The following CNOT3 variants were observed in gnomAD, a reference collection of about 807,000 sequenced individuals.
CNOT3 encodes the protein CCR4-associated factor 3.
In CNOT3, 2 loss-of-function variants were observed where a neutral mutation model predicts 89.4. The observed-to-expected ratio is 0.02, with a 90% confidence interval of 0.01 to 0.07. The LOEUF is 0.07. Ranked by LOEUF, CNOT3 falls within the 10% of genes least tolerant of loss-of-function variation. The pLI, the probability that CNOT3 is intolerant of heterozygous loss-of-function variation, is 1.00. For synonymous variants in CNOT3, 486 were observed against 402.0 expected, an observed-to-expected ratio of 1.21 and a Z score of -2.50; for missense variants, 664 against 1,010.2, an observed-to-expected ratio of 0.66 and a Z score of 4.65.
chr19:54,138,647 G>C (rs2074321738), intron 1 of CNOT3, among the ~76,000 whole-genome samples: 1 of 152,224 alleles, frequency 6.6e-6, no homozygotes, highest in Admixed American at 6.5e-5. Flanking sequence ...CTGCCCGTCT[G>C]TATCGGATGG....
intron 13 of CNOT3, 100 bp from the exon 14 acceptor site, chr19:54,152,126 G>GC: frequency 7.7e-7 from 1 of 1,290,340 alleles, no homozygotes; most frequent in East Asian, 2.4e-5. Flanking sequence ...GCCCTCCACG[G>GC]CCCCCAAACA....
chr19:54,150,062 G>A (rs1390025672), intron 13 of CNOT3, among the ~76,000 whole-genome samples: 2 of 151,770 alleles, frequency 1.3e-5, no homozygotes, highest in Non-Finnish European at 1.5e-5. Context: ...CATCCCCCCC[G>A]CAGGCCCTCA....
At chr19:54,153,128 C>T in intron 16 of CNOT3, 129 bp downstream of exon 16, 2 of 787,712 alleles carry the variant, frequency 2.5e-6, no homozygotes, top group Non-Finnish European at 2.3e-6. Flanking sequence ...CCTCCCTATT[C>T]CCACTCCTGG....
chr19:54,142,758 G>A, intron 1 of CNOT3, 171 bp from the exon 2 acceptor site: 1 of 617,678 alleles, frequency 1.6e-6, no homozygotes, highest in Non-Finnish European at 2.9e-6. Flanking sequence ...CAGACACTAT[G>A]CTGGGCAGTC....
Position 54,149,622 on chromosome 19 carries a change from A to G in CNOT3, c.1469A>G (p.Asn490Ser). Reference protein sequence around the residue: ...AGGVAPGSGNNSGGPSLLVPL... With the variant: ...AGGVAPGSGNSSGGPSLLVPL... ...GGCGTGGCCCCAGGCTCAGGGAACA[A>G]CTCAGGGGGACCCAGCCTCCTGGTG... is the stretch of plus-strand genomic sequence containing the variant. The change falls in exon 13 of 18, where the codon AAC becomes AGC. Residue 490 changes from asparagine to serine, a missense_variant. By Grantham distance (46) the Asn-to-Ser change is conservative. Coordinates refer to ENST00000221232, the MANE Select transcript of CNOT3 (RefSeq NM_014516.4). The G allele has an allele frequency of 6.2e-7, 1 of 1,613,486 alleles. No homozygotes were observed. Among genetic ancestry groups the G allele is most frequent in the Non-Finnish European group, 8.5e-7 (1 of 1,179,706 alleles).
intron 10 of CNOT3, 30 bp downstream of exon 10, chr19:54,146,687 GC>G: frequency 8.0e-7 from 1 of 1,252,228 alleles, no homozygotes; most frequent in Non-Finnish European, 1.2e-6. Context: ...GGGTGGGCAC[GC>G]CATTCACTCC....
In CNOT3 at chr19:54,148,390, T is replaced by G. The variant is rs1451977744; in HGVS notation, c.1137T>G (p.Ala379=). The change falls in exon 11 of 18, where the codon GCT becomes GCG. Residue 379 remains alanine (A), a synonymous_variant. Transcript: ENST00000221232. The surrounding 1 kb of genome is among the most constrained non-coding windows in gnomAD (Gnocchi z 6.3). ...APYAQAVAPP[A]PSGPSTTQPR... The stretch of plus-strand genomic sequence containing the variant: ...ATGCCCAGGCTGTGGCCCCACCAGC[T>G]CCCAGTGGGCCCAGCACGACCCAGC... 5 of 1,561,904 alleles carry G rather than the reference T, an allele frequency of 3.2e-6. No individual in the cohort carries two copies. Among genetic ancestry groups the G allele is most frequent in the East Asian group, 2.3e-5 (1 of 44,290 alleles).
Position 54,152,897 on chromosome 19 carries a change from GC to G in CNOT3, c.1941del (p.Tyr648ThrfsTer44). Reference sequence around the variant, plus strand: ...ACCTCCCCCGGAACCCCTGTCCGACGCCCCCCTACCACCACCAGATGCCACC... The same window carrying G: ...ACCTCCCCCGGAACCCCTGTCCGACGCCCCCTACCACCACCAGATGCCACC... ...QYLPRNPCPT[P>X]PYHHQMPPPH... On this transcript the variant is annotated frameshift_variant, in exon 16 of 18. Transcript: ENST00000221232. LOFTEE classifies it high-confidence loss of function. 1 of 1,515,964 alleles carries G rather than the reference GC, an allele frequency of 6.6e-7. No individual in the cohort carries two copies. The highest frequency in any genetic ancestry group is 8.9e-7 in the Non-Finnish European group (1 of 1,120,290). 93.9% of individuals were successfully genotyped at this position (1,515,964 alleles called of 1,614,324 possible). A position where few individuals can be genotyped will look rare whatever the true frequency, so the allele number is the denominator to read the frequency against.
intron 1 of CNOT3, chr19:54,141,996 A>G (rs1568629100): frequency 6.6e-6 from 1 of 152,000 alleles, no homozygotes; most frequent in Non-Finnish European, 1.5e-5. Context: ...GTTCCAGGTA[A>G]CTTCCTTTAA....
Position 54,155,443 on chromosome 19 carries a change from C to A in CNOT3, c.*36C>A. The A allele has an allele frequency of 1.4e-6, 2 of 1,384,872 alleles. No individual in the cohort carries two copies. Among genetic ancestry groups the A allele is most frequent in the Non-Finnish European group, 2.0e-6 (2 of 998,786 alleles). 85.8% of individuals were successfully genotyped at this position (1,384,872 alleles called of 1,614,324 possible). A position where few individuals can be genotyped will look rare whatever the true frequency, so the allele number is the denominator to read the frequency against. ...TCCCTCTACCCACCCCCTTCCCCCG[C>A]ATGCTGATCCCCCTGCCCAGGTGAG... On this transcript the variant is annotated 3_prime_UTR_variant, in exon 18 of 18. Transcript: ENST00000221232.
chr19:54,148,489 T>C lies in CNOT3; in HGVS notation c.1236T>C (p.Ser412=). ...GSGGGGSSSS[S]NSSAGGGAGK... ...GAGGCGGAGGGAGCAGCAGCAGTAG[T>C]AACAGCAGTGCCGGTGGAGGGGCTG... The change falls in exon 11 of 18, where the codon AGT becomes AGC. Residue 412 remains serine (S), a synonymous_variant. Transcript: ENST00000221232. This position sits in a 1 kb window ranked among gnomAD's most constrained non-coding sequence, Gnocchi z 6.3. The C allele has an allele frequency of 1.9e-6, 3 of 1,561,156 alleles. No individual in the cohort carries two copies. The highest frequency in any genetic ancestry group is 1.7e-6 in the Non-Finnish European group (2 of 1,150,918).
intron 5 of CNOT3, 77 bp downstream of exon 5, chr19:54,143,826 G>T (rs1217799332): frequency 6.6e-7 from 1 of 1,525,048 alleles, no homozygotes; most frequent in African/African-American, 1.4e-5. Context: ...CGGAGGCAGA[G>T]CGGCCAGACC....
intron 17 of CNOT3, chr19:54,154,135 C>G (rs2075294691): frequency 1.6e-6 from 1 of 638,578 alleles, no homozygotes; most frequent in African/African-American, 1.8e-5. Context: ...GCTGGGCACA[C>G]TCGCCTGGGG....
intron 16 of CNOT3, 149 bp from the exon 17 acceptor site, chr19:54,153,566 C>T (rs1206380510): frequency 7.7e-6 from 6 of 781,388 alleles, no homozygotes; most frequent in Non-Finnish European, 1.2e-5. Context: ...ATGTTCTGTG[C>T]CCCCAGCCCC....
intron 12 of CNOT3, among the ~76,000 whole-genome samples, chr19:54,149,168 G>A (rs1379377361): frequency 6.6e-6 from 1 of 152,172 alleles, no homozygotes; most frequent in East Asian, 1.9e-4. Context: ...GTTTCCCGAA[G>A]AATGCCCTAA....
Position 54,155,557 on chromosome 19 carries a change from T to C in CNOT3, c.*150T>C, listed in dbSNP as rs1035256947. 2 of 938,736 alleles carry C rather than the reference T, an allele frequency of 2.1e-6. No homozygotes were observed. The highest frequency in any genetic ancestry group is 1.7e-5 in the South Asian group (1 of 58,778). 58.2% of individuals were successfully genotyped at this position (938,736 alleles called of 1,614,324 possible). On this transcript the variant is annotated 3_prime_UTR_variant, in exon 18 of 18. Transcript: ENST00000221232. ...CAGGGAGGGGGCCGGGAGGTTTTCC[T>C]CTCAGCCCCACCCTGGGGGCCCGGG...
rs1397269014 is a variant in CNOT3, at chr19:54,148,991, C to T, written c.1406+248C>T. On this transcript the variant is annotated intron_variant, in intron 12 of 17. Transcript: ENST00000221232. This position sits in a 1 kb window ranked among gnomAD's most constrained non-coding sequence, Gnocchi z 6.3. The stretch of plus-strand genomic sequence containing the variant: ...GTTCTCATCTAAGTGGAAGTTTTCT[C>T]AAGAGCCCCATACCCTTTCCTCCCC... Among the ~76,000 whole-genome samples the T allele has an allele frequency of 6.6e-6, 1 of 152,200 alleles. No individual in the cohort carries two copies. Among genetic ancestry groups the T allele is most frequent in the Non-Finnish European group, 1.5e-5 (1 of 68,036 alleles).
intron 1 of CNOT3, among the ~76,000 whole-genome samples, chr19:54,138,990 C>T (rs1295397770): frequency 6.6e-6 from 1 of 152,206 alleles, no homozygotes; most frequent in Non-Finnish European, 1.5e-5. Flanking sequence ...CCAGTGATAT[C>T]AGGACCACTG....
At chr19:54,152,397 TGA>T (rs2075169814) in intron 14 of CNOT3, 29 bp from the exon 15 acceptor site, 9 of 1,613,568 alleles carry the variant, frequency 5.6e-6, no homozygotes, top group Non-Finnish European at 7.6e-6. Flanking sequence ...TCCTCACCAC[TGA>T]GGGGGCCGGA....
Sources: allele counts gnomAD v4.1 joint callset (sites outside exome capture counted in the v4.1 genomes callset), GRCh38; gene constraint gnomAD v4.1.1; non-coding constraint Gnocchi (gnomAD v3.1); transcripts MANE v1.5; gene names NCBI Gene and HGNC (gene_info 2026-07-23, HGNC 2026-07-21).